Variants in ZNF562 observed in about 807,000 individuals in gnomAD.
ZNF562 encodes zinc finger protein 562.
In ZNF562, 13 loss-of-function variants were observed where a neutral mutation model predicts 17.5. That is an observed-to-expected ratio of 0.74 (90% CI 0.48 to 1.18). The LOEUF (loss-of-function observed/expected upper bound fraction) is 1.18, where lower values mean the gene tolerates loss of function less well. Among genes scored for constraint, ZNF562 ranks in the 50% most tolerant of loss-of-function variants. The pLI is 0.00. For missense variants in ZNF562, 481 were observed against 498.5 expected (o/e 0.96, Z 0.33); for synonymous variants, 163 against 165.4 (o/e 0.99, Z 0.11).
chr19:9,658,009 C>A lies in ZNF562; in HGVS notation c.241G>T (p.Asp81Tyr), dbSNP rs1333452931. The A allele has an allele frequency of 1.2e-6, 2 of 1,608,490 alleles. No individual in the cohort carries two copies. The highest frequency in any genetic ancestry group is 1.1e-5 in the South Asian group (1 of 90,006). ...LENYMNLASV[D>Y]FFFCLTSEWE... ...CCAAGCAAAGTGATGTTACTCTTAC[C>A]CACAGAGGCCAGGTTCATGTAGTTC... The change falls in exon 4 of 6, where the codon GAT becomes TAT. Residue 81 changes from aspartate (D) to tyrosine (Y), a missense_variant and splice_region_variant. Asp to Tyr is a radical substitution (Grantham distance 160). Transcript: ENST00000453372.
intron 1 of ZNF562, among the ~76,000 whole-genome samples, chr19:9,674,105 C>G (rs2044309915): frequency 6.6e-6 from 1 of 152,192 alleles, no homozygotes; most frequent in Admixed American, 6.5e-5. Flanking sequence ...GCCGCTTTGT[C>G]CTTCCCCGAT....
chr19:9,672,302 A>T (rs1242944744), intron 1 of ZNF562, among the ~76,000 whole-genome samples: 2 of 152,186 alleles, frequency 1.3e-5, no homozygotes, highest in African/African-American at 4.8e-5. Context: ...TTTTTAATTT[A>T]AGTGAAATAC....
intron 1 of ZNF562, among the ~76,000 whole-genome samples, chr19:9,671,180 G>T (rs889471594): frequency 6.6e-6 from 1 of 152,054 alleles, no homozygotes; most frequent in African/African-American, 2.4e-5. Flanking sequence ...TAAGGTGACA[G>T]GTATGCTACT....
At chr19:9,654,649 A>T (rs116185247) in intron 5 of ZNF562, among the ~76,000 whole-genome samples, 2,639 of 152,092 alleles carry the variant, frequency 0.017, 76 homozygotes, top group African/African-American at 0.061. Context: ...GGACTTCATC[A>T]TGTTAGCCAG....
chr19:9,652,963 T>C lies in ZNF562; in HGVS notation c.1267A>G (p.Ser423Gly). 1.3e-6 allele frequency: 2 copies of C among 1,500,034 alleles called. No homozygotes were observed. The highest frequency in any genetic ancestry group is 1.8e-6 in the Non-Finnish European group (2 of 1,124,838). 92.9% of individuals were successfully genotyped at this position (1,500,034 alleles called of 1,614,324 possible). A position where few individuals can be genotyped will look rare whatever the true frequency, so the allele number is the denominator to read the frequency against. Residue 423 changes from serine to glycine, a missense_variant, in exon 6 of 6, where the codon AGT (serine) becomes GGT (glycine). This residue lies in a region of ZNF562 where 78 missense variants were observed against 112.0 expected (regional missense o/e 0.70). Transcript: ENST00000453372. ...ATATCTTGCATTTACCTTTCTCCAC[T>C]GTGAGTTTTCAAATGTTTACTACGA... ...SHRSKHLKTH[S>G]GER
intron 1 of ZNF562, among the ~76,000 whole-genome samples, chr19:9,668,634 T>A (rs919899731): frequency 6.6e-6 from 1 of 151,860 alleles, no homozygotes; most frequent in African/African-American, 2.4e-5. Flanking sequence ...TATGCAACAA[T>A]AAAAGACTTC....
chr19:9,655,721 T>C (rs866666854), intron 5 of ZNF562, among the ~76,000 whole-genome samples: 73 of 30,662 alleles, frequency 2.4e-3, no homozygotes, highest in African/African-American at 0.021. Context: ...TTCTTTCTTT[T>C]TTTTTTTTTT....
rs1228106659 is a variant in ZNF562, at chr19:9,652,398, ACAT to A, written c.*548_*550del. ...TTTTAACAATCCACCTCTGGGGCCT[ACAT>A]CATCTTGGCTTCTGGTAAATTTTGA... On this transcript the variant is annotated 3_prime_UTR_variant, in exon 6 of 6. Transcript: ENST00000453372. 2 of 152,326 alleles carry A rather than the reference ACAT, an allele frequency of 1.3e-5. No homozygotes were observed. The highest frequency in any genetic ancestry group is 2.9e-5 in the Non-Finnish European group (2 of 68,144). 9.4% of individuals were successfully genotyped at this position (152,326 alleles called of 1,614,324 possible). A position where few individuals can be genotyped will look rare whatever the true frequency, so the allele number is the denominator to read the frequency against.
At chr19:9,661,098 C>G (rs556079728) in intron 1 of ZNF562, among the ~76,000 whole-genome samples, 2 of 152,282 alleles carry the variant, frequency 1.3e-5, no homozygotes, top group Admixed American at 1.3e-4. Context: ...ACTTAATTAT[C>G]ATAACCATCC....
rs1412178010 is a variant in ZNF562, at chr19:9,659,365, C to G, written c.114+14G>C. 11 of 1,547,602 alleles carry G rather than the reference C, an allele frequency of 7.1e-6. No homozygotes were observed. The highest frequency in any genetic ancestry group is 9.6e-6 in the Non-Finnish European group (11 of 1,143,688). Reference sequence around the variant, plus strand: ...AAGTATGTCATTTTGTACAACGGTACATTTTCTGTTTACCTGGTAAGAATT... The same window carrying G: ...AAGTATGTCATTTTGTACAACGGTAGATTTTCTGTTTACCTGGTAAGAATT... On this transcript the variant is annotated intron_variant, in intron 3 of 5. Coordinates refer to ENST00000453372, the MANE Select transcript of ZNF562 (RefSeq NM_001130031.2).
intron 3 of ZNF562, 64 bp downstream of exon 3, chr19:9,659,315 G>A (rs2043634863): frequency 7.1e-7 from 1 of 1,405,732 alleles, no homozygotes; most frequent in Admixed American, 2.0e-5. Context: ...CTGTCTAGAA[G>A]GAAATGTGTC....
intron 1 of ZNF562, among the ~76,000 whole-genome samples, chr19:9,668,978 G>C (rs1246883417): frequency 2.0e-5 from 3 of 151,618 alleles, no homozygotes; most frequent in Non-Finnish European, 4.4e-5. Context: ...ACAGATTAAA[G>C]ACTTACATCT....
intron 1 of ZNF562, chr19:9,674,749 C>T (rs1599338995): frequency 6.6e-6 from 1 of 152,244 alleles, no homozygotes; most frequent in Non-Finnish European, 1.5e-5. Context: ...CCAAAGGTTG[C>T]TTTCCAAGCT....
intron 1 of ZNF562, among the ~76,000 whole-genome samples, chr19:9,662,619 G>A (rs1021161621): frequency 1.9e-4 from 29 of 151,604 alleles, no homozygotes; most frequent in East Asian, 7.8e-4. Flanking sequence ...AGTGGCTCAC[G>A]CCTGTAATCC....
At chr19:9,672,459 T>G (rs2044230993) in intron 1 of ZNF562, among the ~76,000 whole-genome samples, 1 of 152,092 alleles carries the variant, frequency 6.6e-6, no homozygotes, top group African/African-American at 2.4e-5. Context: ...AGAAATAAAA[T>G]GCTAAAAAAT....
In ZNF562 at chr19:9,644,575, A is replaced by C. The variant is rs1242519967; in HGVS notation, c.*8374T>G. ...ACATGGCTGGGGAGGCCTCAAAATC[A>C]TGACAGAAGGTGAAGGAGGAGCAAA... On this transcript the variant is annotated 3_prime_UTR_variant, in exon 6 of 6. Coordinates refer to ENST00000453372, the MANE Select transcript of ZNF562 (RefSeq NM_001130031.2). 2 of 152,300 alleles carry C rather than the reference A, an allele frequency of 1.3e-5. No individual in the cohort carries two copies. The highest frequency in any genetic ancestry group is 2.9e-5 in the Non-Finnish European group (2 of 68,098). 9.4% of individuals were successfully genotyped at this position (152,300 alleles called of 1,614,324 possible).
intron 5 of ZNF562, among the ~76,000 whole-genome samples, chr19:9,655,375 C>T (rs1568263321): frequency 6.6e-6 from 1 of 152,178 alleles, no homozygotes; most frequent in Non-Finnish European, 1.5e-5. Flanking sequence ...TTTTCAGTGA[C>T]AAGTTATACA....
chr19:9,648,298 T>A lies in ZNF562; in HGVS notation c.*4651A>T, dbSNP rs1360374514. The stretch of plus-strand genomic sequence containing the variant: ...AAGCAATAAATACAAATACCACATT[T>A]ATTTAATTTAATTTATTTATTTTTG... On this transcript the variant is annotated 3_prime_UTR_variant, in exon 6 of 6. Transcript: ENST00000453372. 4.6e-5 allele frequency: 7 copies of A among 152,198 alleles called. No homozygotes were observed. Among genetic ancestry groups the A allele is most frequent in the African/African-American group, 9.7e-5 (4 of 41,448 alleles). 9.4% of individuals were successfully genotyped at this position (152,198 alleles called of 1,614,324 possible).
intron 2 of ZNF562, among the ~76,000 whole-genome samples, 184 bp from the exon 3 acceptor site, chr19:9,659,651 G>A (rs571379651): frequency 7.9e-5 from 12 of 152,060 alleles, no homozygotes; most frequent in South Asian, 2.1e-4. Flanking sequence ...AGCAGATATG[G>A]GCTGAGCTGC....
Sources: allele counts gnomAD v4.1 joint callset (sites outside exome capture counted in the v4.1 genomes callset), GRCh38; gene constraint gnomAD v4.1.1; regional missense constraint gnomAD v4.1.1; transcripts MANE v1.5; gene names NCBI Gene and HGNC (gene_info 2026-07-23, HGNC 2026-07-21).